The following TDRD7 variants were observed in gnomAD, a reference collection of about 807,000 sequenced individuals.
TDRD7 encodes the protein tudor domain-containing protein 7.
In TDRD7, 47 loss-of-function variants were observed where a neutral mutation model predicts 109.8. That is an observed-to-expected ratio of 0.43 (90% confidence interval 0.34 to 0.55). The LOEUF (loss-of-function observed/expected upper bound fraction) is 0.55. TDRD7 is among the 20% of genes least tolerant of loss of function. TDRD7 has a pLI of 0.03. For synonymous variants in TDRD7, 424 were observed against 457.3 expected (o/e 0.93, Z 0.93); for missense variants, 1,164 against 1,319.2 (o/e 0.88, Z 1.82).
Position 97,460,679 on chromosome 9 carries a change from A to G in TDRD7, c.1357A>G (p.Thr453Ala). 1 of 1,614,042 alleles carries G rather than the reference A, an allele frequency of 6.2e-7. No individual in the cohort carries two copies. The highest frequency in any genetic ancestry group is 8.5e-7 in the Non-Finnish European group (1 of 1,179,894). The change falls in exon 7 of 17, where the codon ACA (threonine) becomes GCA (alanine). Residue 453 changes from threonine (T) to alanine (A), a missense_variant. Around this residue, in one of 5 missense-constraint regions of TDRD7, gnomAD observed 407 missense variants for 394.0 expected, o/e 1.03. Coordinates refer to ENST00000355295, the MANE Select transcript of TDRD7 (RefSeq NM_014290.3). ...TGCTAATACCTTTATGGAGGACATA[A>G]CAGTTCCTCCTTTAATGATTCCAAC... is the stretch of plus-strand genomic sequence containing the variant. ...ESANTFMEDI[T>A]VPPLMIPTEA...
intron 16 of TDRD7, 140 bp from the exon 17 acceptor site, chr9:97,495,523 A>G (rs2131192175): frequency 2.5e-6 from 2 of 793,158 alleles, no homozygotes; most frequent in East Asian, 4.9e-5. Flanking sequence ...TTGTTCAGTA[A>G]CCGTTTTTCA....
At position 97,482,988 on chromosome 9, in the gene TDRD7, G is replaced by A; in HGVS notation, c.2552G>A (p.Ser851Asn). ...AAGCATCAGAAGGATGTGTTTTTGAGTGCCATATCCAGTGGAGCTGACTCT... is the reference window on the plus strand; with the variant it reads ...AAGCATCAGAAGGATGTGTTTTTGAATGCCATATCCAGTGGAGCTGACTCT... ...LWKHQKDVFL[S>N]AISSGADSPN... Residue 851 changes from serine to asparagine, a missense_variant, in exon 15 of 17, where the codon AGT becomes AAT. By Grantham distance (46) the Ser-to-Asn change is conservative. Coordinates refer to ENST00000355295, the MANE Select transcript of TDRD7 (RefSeq NM_014290.3). The A allele has an allele frequency of 6.2e-7, 1 of 1,614,170 alleles. No homozygotes were observed. Among genetic ancestry groups the A allele is most frequent in the South Asian group, 1.1e-5 (1 of 91,084 alleles).
chr9:97,414,636 A>G (rs1827782473), intron 1 of TDRD7, among the ~76,000 whole-genome samples: 1 of 152,226 alleles, frequency 6.6e-6, no homozygotes, highest in Admixed American at 6.5e-5. Flanking sequence ...TTACTTACGT[A>G]CATTCGTGGT....
chr9:97,414,171 A>T (rs1014003011), intron 1 of TDRD7, among the ~76,000 whole-genome samples: 2 of 150,792 alleles, frequency 1.3e-5, no homozygotes, highest in African/African-American at 4.9e-5. Flanking sequence ...TCCTCCCTCC[A>T]CTCCCACCTC....
Position 97,492,864 on chromosome 9 carries a change from C to T in TDRD7, c.3077-2799C>T, listed in dbSNP as rs187531219. Among the ~76,000 whole-genome samples, 93 of 152,254 alleles carry T rather than the reference C, an allele frequency of 6.1e-4. 1 individual carries two copies. The East Asian group carries it at 9.1e-3, about 15-fold the overall frequency. ...ACTGGAACTATTAAACTATATGTGG[C>T]GGAGAGTATGTCTCTCTTGGGCCAA... On this transcript the variant is annotated intron_variant, in intron 16 of 16. Transcript: ENST00000355295.
Position 97,473,849 on chromosome 9 carries a change from G to A in TDRD7, c.2079+223G>A, listed in dbSNP as rs1336354036. On this transcript the variant is annotated intron_variant, in intron 11 of 16. Coordinates refer to ENST00000355295, the MANE Select transcript of TDRD7 (RefSeq NM_014290.3). ...TGTAAAACGAAGATAGCAATAGTGTGTACCCTATAGGATTGTCCTGAGGAC... is the reference window on the plus strand; with the variant it reads ...TGTAAAACGAAGATAGCAATAGTGTATACCCTATAGGATTGTCCTGAGGAC... 1.3e-5 allele frequency among the ~76,000 whole-genome samples: 2 copies of A among 152,170 alleles called. 1 individual carries two copies. Among genetic ancestry groups the A allele is most frequent in the East Asian group, 3.8e-4 (2 of 5,198 alleles).
intron 1 of TDRD7, among the ~76,000 whole-genome samples, chr9:97,418,185 G>A (rs1827841773): frequency 6.6e-6 from 1 of 152,152 alleles, no homozygotes; most frequent in Admixed American, 6.5e-5. Flanking sequence ...CTTTTCTCAG[G>A]TCAGATTGAG....
At chr9:97,430,824 A>G in intron 2 of TDRD7, 109 bp from the exon 3 acceptor site, 1 of 1,312,208 alleles carries the variant, frequency 7.6e-7, no homozygotes, top group Non-Finnish European at 1.1e-6. Context: ...TTTGCATACC[A>G]CTTGACTTGG....
Position 97,428,489 on chromosome 9 carries a change from A to C in TDRD7, c.24A>C (p.Ser8=). Residue 8 remains serine (S), a synonymous_variant, in exon 2 of 17, where the codon TCA becomes TCC. Coordinates refer to ENST00000355295, the MANE Select transcript of TDRD7 (RefSeq NM_014290.3). ...AGATGCTGGAAGGAGATCTGGTTTC[A>C]AAGATGCTACGAGCTGTTCTGCAGT... MLEGDLV[S]KMLRAVLQSH... is the part of the protein sequence containing the mutation. The C allele has an allele frequency of 6.2e-7, 1 of 1,614,026 alleles. No individual in the cohort carries two copies. Among genetic ancestry groups the C allele is most frequent in the Non-Finnish European group, 8.5e-7 (1 of 1,179,918 alleles).
In TDRD7 at chr9:97,464,842, G is replaced by T; in HGVS notation, c.1443G>T (p.Arg481Ser). 6.2e-7 allele frequency: 1 copy of T among 1,614,074 alleles called. No individual in the cohort carries two copies. The change falls in exon 8 of 17, where the codon AGG (arginine) becomes AGT (serine). Residue 481 changes from arginine to serine, a missense_variant and splice_region_variant. Transcript: ENST00000355295. ...ELSNTNEVVI[R>S]YVGKDYSAAQ... ...CATTCTCTTCTTTTAACTGATTCAG[G>T]TATGTGGGCAAAGACTATTCTGCTG...
rs1350220636 is a variant in TDRD7 at position 97,495,760 on chromosome 9, A to G, written c.3174A>G (p.Glu1058=). 7 of 1,613,998 alleles carry G rather than the reference A, an allele frequency of 4.3e-6. No individual in the cohort carries two copies. Among genetic ancestry groups the G allele is most frequent in the African/African-American group, 2.7e-5 (2 of 74,898 alleles). Residue 1058 remains glutamate (E), a synonymous_variant, in exon 17 of 17, where the codon GAA becomes GAG. Coordinates refer to ENST00000355295, the MANE Select transcript of TDRD7 (RefSeq NM_014290.3). The part of the protein sequence containing the change: ...PLVALVQTVI[E]NANPWDRKVV... ...TGGCACTGGTGCAGACAGTCATTGA[A>G]AATGCTAACCCTTGGGACCGGAAAG...
At chr9:97,485,522 C>T (rs890656069) in intron 15 of TDRD7, among the ~76,000 whole-genome samples, 5 of 152,284 alleles carry the variant, frequency 3.3e-5, no homozygotes, top group Admixed American at 1.3e-4. Flanking sequence ...TTTAAGATGA[C>T]GCTGTTGGTG....
At chr9:97,461,873 A>G (rs1423040900) in intron 7 of TDRD7, among the ~76,000 whole-genome samples, 1 of 152,238 alleles carries the variant, frequency 6.6e-6, no homozygotes, top group African/African-American at 2.4e-5. Flanking sequence ...AAGAACCACA[A>G]AAAATAATTA....
chr9:97,477,524 G>A (rs568373376), intron 12 of TDRD7, among the ~76,000 whole-genome samples: 4 of 151,972 alleles, frequency 2.6e-5, no homozygotes, highest in African/African-American at 7.2e-5. Context: ...CCTTCTTAGT[G>A]TATGTCCAAA....
chr9:97,418,533 G>A (rs935457143), intron 1 of TDRD7, among the ~76,000 whole-genome samples: 12 of 150,474 alleles, frequency 8.0e-5, no homozygotes, highest in South Asian at 4.2e-4. Flanking sequence ...CCTGAATGCC[G>A]CTCCTTAAAA....
chr9:97,469,614 G>A (rs889272583), intron 8 of TDRD7, among the ~76,000 whole-genome samples: 1 of 152,094 alleles, frequency 6.6e-6, no homozygotes, highest in Non-Finnish European at 1.5e-5. Flanking sequence ...CCTGGTGTTT[G>A]TTGTTTTGTT....
Position 97,460,359 on chromosome 9 carries a change from C to A in TDRD7, c.1037C>A (p.Ala346Glu). ...GCAGGAGACTTTAAAGAAAAAGTGGCAGACCTGCTGGTGAAATACACAAGT... is the reference window on the plus strand; with the variant it reads ...GCAGGAGACTTTAAAGAAAAAGTGGAAGACCTGCTGGTGAAATACACAAGT... ...VMAGDFKEKV[A>E]DLLVKYTSGL... Residue 346 changes from alanine to glutamate, a missense_variant, in exon 7 of 17, where the codon GCA becomes GAA. By Grantham distance (107) the Ala-to-Glu change is moderately radical. Coordinates refer to ENST00000355295, the MANE Select transcript of TDRD7 (RefSeq NM_014290.3). The A allele has an allele frequency of 6.2e-7, 1 of 1,614,158 alleles. No homozygotes were observed. Among genetic ancestry groups the A allele is most frequent in the South Asian group, 1.1e-5 (1 of 91,086 alleles).
chr9:97,462,875 T>C (rs1828750223), intron 7 of TDRD7, among the ~76,000 whole-genome samples: 1 of 152,160 alleles, frequency 6.6e-6, no homozygotes, highest in South Asian at 2.1e-4. Context: ...CCAAGCCATT[T>C]CTCATCACCT....
At chr9:97,491,239 C>A in intron 16 of TDRD7, among the ~76,000 whole-genome samples, 1 of 152,178 alleles carries the variant, frequency 6.6e-6, no homozygotes, top group Non-Finnish European at 1.5e-5. Context: ...GCCCACATTT[C>A]TGTTTTATTG....
Sources: allele counts gnomAD v4.1 joint callset (sites outside exome capture counted in the v4.1 genomes callset), GRCh38; gene constraint gnomAD v4.1.1; regional missense constraint gnomAD v4.1.1; transcripts MANE v1.5; gene names NCBI Gene and HGNC (gene_info 2026-07-23, HGNC 2026-07-21).